Variants in LHX8 observed in about 807,000 individuals in gnomAD.
LHX8 encodes the protein LIM homeobox 8, also known as LIM/homeobox protein Lhx8.
In LHX8, 12 loss-of-function variants were observed where a neutral mutation model predicts 40.3. The observed-to-expected ratio is 0.30, with a 90% CI of 0.19 to 0.48. The LOEUF is 0.48. Ranked by LOEUF, LHX8 falls within the 20% of genes least tolerant of loss-of-function variation. The probability of loss-of-function intolerance (pLI) is 0.99; values close to 1 mark genes in which losing one functional copy is unlikely to be tolerated. For synonymous variants in LHX8, 179 were observed against 162.0 expected, an observed-to-expected ratio of 1.10 and a Z score of -0.80; for missense variants, 344 against 433.7, an observed-to-expected ratio of 0.79 and a Z score of 1.84.
chr1:75,170,120 A>AT, the LHX8 span, among the ~76,000 whole-genome samples: 1 of 152,030 alleles, frequency 6.6e-6, no homozygotes. Flanking sequence ...CTGCTGAATC[A>AT]TTTTTCTCTG....
the LHX8 span, among the ~76,000 whole-genome samples, chr1:75,192,999 A>G: frequency 6.6e-6 from 1 of 152,026 alleles, no homozygotes; most frequent in African/African-American, 2.4e-5. Flanking sequence ...CAGCTAGGTG[A>G]TTTATTACAT....
chr1:75,197,787 A>G, the LHX8 span, among the ~76,000 whole-genome samples: 2 of 152,146 alleles, frequency 1.3e-5, no homozygotes, highest in African/African-American at 4.8e-5. Context: ...CTACAACCCA[A>G]TGTAGAGAAG....
chr1:75,186,668 G>C, the LHX8 span, among the ~76,000 whole-genome samples: 1 of 152,170 alleles, frequency 6.6e-6, no homozygotes, highest in South Asian at 2.1e-4. Context: ...TGACACAGGA[G>C]AGGATGGTTT....
At chr1:75,139,098 C>G (rs1648234644) in intron 3 of LHX8, among the ~76,000 whole-genome samples, 1 of 151,884 alleles carries the variant, frequency 6.6e-6, no homozygotes, top group African/African-American at 2.4e-5. Context: ...TAGGGTGTAA[C>G]TAATATAGAA....
At chr1:75,166,936 T>G in the LHX8 span, among the ~76,000 whole-genome samples, 1 of 152,182 alleles carries the variant, frequency 6.6e-6, no homozygotes, top group Non-Finnish European at 1.5e-5. Context: ...GAGCATGCAG[T>G]GCTCATGTAG....
intron 1 of LHX8, 131 bp downstream of exon 1, chr1:75,135,085 C>A (rs1648082077): frequency 4.4e-6 from 1 of 229,330 alleles, no homozygotes; most frequent in Non-Finnish European, 7.2e-6. Flanking sequence ...CGGACACTTG[C>A]CTGCCCTGAG....
the LHX8 span, among the ~76,000 whole-genome samples, chr1:75,184,566 G>A: frequency 5.3e-5 from 8 of 152,036 alleles, no homozygotes; most frequent in African/African-American, 9.7e-5. Flanking sequence ...TCTTTGAAAC[G>A]AAGGAGAACA....
the LHX8 span, among the ~76,000 whole-genome samples, chr1:75,188,035 C>T: frequency 3.2e-4 from 49 of 152,244 alleles, 1 homozygote; most frequent in South Asian, 9.8e-3. Flanking sequence ...GTCCTTCCTT[C>T]CCTTCCTTCT....
chr1:75,136,796 T>A, intron 2 of LHX8, 107 bp downstream of exon 2: 2 of 575,420 alleles, frequency 3.5e-6, no homozygotes, highest in Admixed American at 2.5e-5. Flanking sequence ...TGGCCCCTCC[T>A]GCAGCAGACA....
At chr1:75,178,622 A>G in the LHX8 span, among the ~76,000 whole-genome samples, 1 of 152,080 alleles carries the variant, frequency 6.6e-6, no homozygotes. Context: ...CAAAAAAACC[A>G]GCTCCTGGAT....
chr1:75,162,961 A>G (rs895807912), downstream of LHX8, among the ~76,000 whole-genome samples: 5 of 152,182 alleles, frequency 3.3e-5, no homozygotes, highest in Admixed American at 3.3e-4. Context: ...GATGTGGGTA[A>G]CAAGTAGTTA....
chr1:75,180,533 A>T, the LHX8 span, among the ~76,000 whole-genome samples: 10 of 152,178 alleles, frequency 6.6e-5, no homozygotes, highest in African/African-American at 2.4e-4. Context: ...CATGGTTTTC[A>T]GCTCCATTAG....
chr1:75,136,840 G>GGC, intron 2 of LHX8, 151 bp downstream of exon 2: 1 of 448,636 alleles, frequency 2.2e-6, no homozygotes, highest in Non-Finnish European at 4.2e-6. Context: ...GGTGGGGTGG[G>GGC]AAGCTTAGCT....
chr1:75,183,982 T>C, the LHX8 span, among the ~76,000 whole-genome samples: 3 of 152,090 alleles, frequency 2.0e-5, no homozygotes, highest in African/African-American at 7.2e-5. Context: ...GCAATCCTAA[T>C]TTCAGACAAA....
chr1:75,181,780 C>T, the LHX8 span, among the ~76,000 whole-genome samples: 10 of 152,298 alleles, frequency 6.6e-5, no homozygotes, highest in South Asian at 2.1e-4. Flanking sequence ...TCTTCTGCAT[C>T]GATCATACTG....
At chr1:75,186,392 C>T in the LHX8 span, among the ~76,000 whole-genome samples, 2 of 152,208 alleles carry the variant, frequency 1.3e-5, no homozygotes, top group East Asian at 3.9e-4. Flanking sequence ...GGCTGCACAC[C>T]TACAACCATC....
chr1:75,145,964 C>G (rs115841248), intron 6 of LHX8, among the ~76,000 whole-genome samples: 1,878 of 152,096 alleles, frequency 0.012, 30 homozygotes, highest in African/African-American at 0.038. Context: ...AAAGTATATT[C>G]TCATTCAATA....
downstream of LHX8, among the ~76,000 whole-genome samples, chr1:75,163,018 CT>C (rs11379344): frequency 2.6e-4 from 37 of 143,674 alleles, no homozygotes; most frequent in South Asian, 2.2e-4. Context: ...GGTAGGATAC[CT>C]TTTTTTTTTT....
At chr1:75,160,390 T>C (rs1648886102) in intron 8 of LHX8, 1 of 191,672 alleles carries the variant, frequency 5.2e-6, no homozygotes, top group Admixed American at 5.4e-5. Flanking sequence ...TGAAACACAG[T>C]AGTGTTGCCT....
Sources: allele counts gnomAD v4.1 joint callset (sites outside exome capture counted in the v4.1 genomes callset), GRCh38; gene constraint gnomAD v4.1.1; transcripts MANE v1.5; gene names NCBI Gene and HGNC (gene_info 2026-07-23, HGNC 2026-07-21).